SOX5: variants seen among roughly 807,000 people sequenced by gnomAD.
SOX5 encodes SRY-box transcription factor 5, also known as transcription factor SOX-5.
In SOX5, 9 loss-of-function variants were observed where a neutral mutation model predicts 92.0. The observed-to-expected ratio is 0.10, with a 90% CI of 0.06 to 0.17. The LOEUF is 0.17. SOX5 is among the 10% of genes least tolerant of loss of function. SOX5 has a pLI of 1.00. For synonymous variants in SOX5, 344 were observed against 336.3 expected, an observed-to-expected ratio of 1.02 and a Z score of -0.25; for missense variants, 642 against 944.5, an observed-to-expected ratio of 0.68 and a Z score of 4.20.
At chr12:23,906,556 C>T (rs1219318487) in intron 1 of SOX5, among the ~76,000 whole-genome samples, 2 of 152,186 alleles carry the variant, frequency 1.3e-5, no homozygotes, top group Admixed American at 6.5e-5. Context: ...TGAAAGTGCT[C>T]ACCTCCTGAG....
chr12:24,418,069 T>C (rs1417874542), intron 1 of SOX5, among the ~76,000 whole-genome samples: 1 of 152,172 alleles, frequency 6.6e-6, no homozygotes, highest in African/African-American at 2.4e-5. Flanking sequence ...CTTTGGATGC[T>C]TTATATCATA....
chr12:23,876,815 T>TA (rs1344919465), intron 2 of SOX5, among the ~76,000 whole-genome samples: 4 of 152,226 alleles, frequency 2.6e-5, no homozygotes, highest in Non-Finnish European at 4.4e-5. Flanking sequence ...TATGCAGCCA[T>TA]AAAAAAGGAT....
At chr12:24,014,340 G>C (rs143772554) in intron 4 of SOX5, among the ~76,000 whole-genome samples, 291 of 152,260 alleles carry the variant, frequency 1.9e-3, no homozygotes, top group Non-Finnish European at 3.4e-3. Flanking sequence ...GAATATGAGG[G>C]AGAAAGCATT....
In SOX5 at chr12:23,845,994, T is replaced by A; in HGVS notation, c.470A>T (p.Asn157Ile). Residue 157 changes from asparagine to isoleucine, a missense_variant, in exon 3 of 15, where the codon AAC becomes ATC. Physicochemically the swap from Asn to Ile is moderately radical, Grantham distance 149. Around this residue, in one of 8 missense-constraint regions of SOX5, gnomAD observed 324 missense variants for 461.6 expected, o/e 0.70. Transcript: ENST00000451604. ...CTTCCAGCCTTTACCTTCCGGCTCG[T>A]TTTTGATGAGCTCTTCCATTTTCCT... ...KQRKMEELIK[N>I]EPEETPSIEK... The A allele has an allele frequency of 6.2e-7, 1 of 1,613,810 alleles. No homozygotes were observed. The highest frequency in any genetic ancestry group is 8.5e-7 in the Non-Finnish European group (1 of 1,179,740).
chr12:23,660,622 T>C (rs1180573525), intron 7 of SOX5, among the ~76,000 whole-genome samples: 1 of 152,138 alleles, frequency 6.6e-6, no homozygotes, highest in Non-Finnish European at 1.5e-5. Context: ...TACATAGCAC[T>C]GTTAAGTGGA....
chr12:23,771,971 T>C (rs1348736995), intron 3 of SOX5, among the ~76,000 whole-genome samples: 3 of 152,190 alleles, frequency 2.0e-5, no homozygotes, highest in Non-Finnish European at 4.4e-5. Flanking sequence ...TATAAATTCA[T>C]AGAAATATGT....
At chr12:24,258,870 G>A (rs1188624220) in intron 3 of SOX5, among the ~76,000 whole-genome samples, 1 of 152,148 alleles carries the variant, frequency 6.6e-6, no homozygotes, top group Non-Finnish European at 1.5e-5. Flanking sequence ...TTTAGAGATG[G>A]AAAAACTAAG....
At position 23,741,107 on chromosome 12, in the gene SOX5, C is replaced by T. The variant is rs553609126; in HGVS notation, c.569-68G>A. ...AAAGTAATTATTTCAATGAAAATGG[C>T]TCTGTTGTATACAGAGCCAGTCCAA... On this transcript the variant is annotated intron_variant, in intron 4 of 14. Transcript: ENST00000451604. The T allele has an allele frequency of 1.1e-4, 137 of 1,295,316 alleles. 3 individuals carry two copies. In the South Asian group the frequency reaches 1.8e-3, roughly 17 times the overall value. 80.2% of individuals were successfully genotyped at this position (1,295,316 alleles called of 1,614,324 possible).
intron 1 of SOX5, among the ~76,000 whole-genome samples, chr12:24,501,176 G>A (rs1304084607): frequency 6.6e-6 from 1 of 152,150 alleles, no homozygotes; most frequent in Non-Finnish European, 1.5e-5. Flanking sequence ...ACTAAACACA[G>A]CTTGCCACAT....
chr12:24,269,357 A>C (rs1328610437), intron 3 of SOX5, among the ~76,000 whole-genome samples: 1 of 152,254 alleles, frequency 6.6e-6, no homozygotes, highest in African/African-American at 2.4e-5. Context: ...GAATGTTAAC[A>C]CAGAAAGAGA....
intron 2 of SOX5, among the ~76,000 whole-genome samples, chr12:23,890,809 G>A (rs2097123272): frequency 6.9e-6 from 1 of 145,100 alleles, no homozygotes; most frequent in African/African-American, 2.6e-5. Context: ...CCAAAGTCAA[G>A]TTGAAAAAAA....
At chr12:23,604,621 G>A (rs951230658) in intron 8 of SOX5, 88 bp from the exon 9 acceptor site, 6 of 1,310,268 alleles carry the variant, frequency 4.6e-6, no homozygotes, top group Middle Eastern at 5.3e-4. Flanking sequence ...ATTCAGATAT[G>A]GTATTTTTCC....
At chr12:24,106,063 T>C (rs75273835) in intron 4 of SOX5, among the ~76,000 whole-genome samples, 1,758 of 151,986 alleles carry the variant, frequency 0.012, 23 homozygotes, top group African/African-American at 0.039. Flanking sequence ...AAGAAAAAAT[T>C]GATAGGTTGG....
upstream of SOX5, among the ~76,000 whole-genome samples, chr12:23,955,458 G>A (rs904930821): frequency 3.3e-5 from 5 of 152,112 alleles, no homozygotes; most frequent in Admixed American, 3.3e-4. Flanking sequence ...ACGTTTACAA[G>A]TTTCACAATC....
intron 4 of SOX5, among the ~76,000 whole-genome samples, chr12:24,095,146 GAGAGAGAGAGAC>G (rs1569540902): frequency 2.9e-4 from 43 of 150,274 alleles, no homozygotes; most frequent in African/African-American, 8.5e-4. Context: ...GAGAGAGAGA[GAGAGAGAGAGAC>G]AGAGACAGAG....
chr12:24,543,559 G>A lies in SOX5; in HGVS notation c.-251+18770C>T, dbSNP rs570289427. Among the ~76,000 whole-genome samples, 10 of 152,218 alleles carry A rather than the reference G, an allele frequency of 6.6e-5. No individual in the cohort carries two copies. In the East Asian group the frequency reaches 7.7e-4, roughly 12 times the overall value. ...AAAAGCTAGCCAGGCATGGTGGTAC[G>A]CGTGTGTGGTCTCAGCTACTCAGGA... On this transcript the variant is annotated intron_variant, in intron 1 of 4. Coordinates refer to the SOX5 transcript ENST00000446891.
intron 4 of SOX5, among the ~76,000 whole-genome samples, chr12:24,026,699 T>C (rs1056266027): frequency 1.3e-5 from 2 of 149,882 alleles, no homozygotes; most frequent in East Asian, 2.0e-4. Context: ...ATTGTATGCA[T>C]AGAGTTCTTT....
At chr12:24,222,559 C>T (rs1960734324) in intron 3 of SOX5, among the ~76,000 whole-genome samples, 7 of 152,076 alleles carry the variant, frequency 4.6e-5, no homozygotes, top group Admixed American at 2.0e-4. Context: ...AGCAGGCGTT[C>T]ATCAAGGCAC....
intron 4 of SOX5, among the ~76,000 whole-genome samples, chr12:24,137,630 C>G (rs1445555054): frequency 6.6e-6 from 1 of 151,658 alleles, no homozygotes; most frequent in African/African-American, 2.4e-5. Context: ...GACTCCGTCT[C>G]AAAAAAACAA....
Sources: allele counts gnomAD v4.1 joint callset (sites outside exome capture counted in the v4.1 genomes callset), GRCh38; gene constraint gnomAD v4.1.1; regional missense constraint gnomAD v4.1.1; transcripts MANE v1.5; gene names NCBI Gene and HGNC (gene_info 2026-07-23, HGNC 2026-07-21).